RIC8B: variants seen among roughly 807,000 people sequenced by gnomAD.
RIC8B encodes chaperone Ric-8B.
In RIC8B, 16 loss-of-function variants were observed where a neutral mutation model predicts 57.5. The ratio of observed to expected loss-of-function variants is 0.28; its 90% CI spans 0.19 to 0.42. RIC8B has a LOEUF of 0.42. RIC8B is among the 10% of genes least tolerant of loss of function. RIC8B has a pLI of 1.00. For missense variants in RIC8B, 481 were observed against 677.0 expected (o/e 0.71, Z 3.21); for synonymous variants, 216 against 250.8 (o/e 0.86, Z 1.31).
intron 6 of RIC8B, among the ~76,000 whole-genome samples, chr12:106,846,511 C>T (rs1484105292): frequency 1.3e-5 from 2 of 151,992 alleles, no homozygotes; most frequent in Non-Finnish European, 2.9e-5. Flanking sequence ...AAGAGAAATA[C>T]CCAGAAAGCA....
At chr12:106,840,902 T>A (rs562884330) in intron 4 of RIC8B, among the ~76,000 whole-genome samples, 3 of 152,270 alleles carry the variant, frequency 2.0e-5, no homozygotes, top group East Asian at 3.9e-4. Context: ...AGGGAAAAAA[T>A]CATAACATTT....
chr12:106,861,309 C>CT (rs1949924097), intron 8 of RIC8B, among the ~76,000 whole-genome samples: 1 of 152,004 alleles, frequency 6.6e-6, no homozygotes, highest in African/African-American at 2.4e-5. Context: ...CGAGGATAGA[C>CT]TATCTTTATC....
intron 2 of RIC8B, among the ~76,000 whole-genome samples, chr12:106,791,147 T>G (rs971680414): frequency 6.6e-6 from 1 of 152,188 alleles, no homozygotes; most frequent in African/African-American, 2.4e-5. Context: ...TGTTGTTCAC[T>G]GAAAAAGCAG....
chr12:106,784,612 C>G (rs2043918055), intron 2 of RIC8B, among the ~76,000 whole-genome samples: 1 of 152,184 alleles, frequency 6.6e-6, no homozygotes, highest in African/African-American at 2.4e-5. Flanking sequence ...TCCCTCCTGC[C>G]TTAACCTCCC....
chr12:106,881,472 G>T (rs1950930989), intron 9 of RIC8B, among the ~76,000 whole-genome samples: 1 of 151,266 alleles, frequency 6.6e-6, no homozygotes. Flanking sequence ...GTGAATCCAT[G>T]TCCATCACTG....
intron 4 of RIC8B, among the ~76,000 whole-genome samples, chr12:106,827,587 C>T (rs907029324): frequency 4.6e-5 from 7 of 152,118 alleles, no homozygotes; most frequent in Admixed American, 1.3e-4. Context: ...GTACTCCCTG[C>T]CCTGCAGCCT....
intron 9 of RIC8B, among the ~76,000 whole-genome samples, chr12:106,872,402 C>T (rs1950471268): frequency 6.6e-6 from 1 of 152,202 alleles, no homozygotes; most frequent in South Asian, 2.1e-4. Context: ...GGCACAGTGG[C>T]TTATGCCTGT....
intron 9 of RIC8B, 96 bp from the exon 10 acceptor site, chr12:106,885,803 ACTTTT>A: frequency 1.6e-6 from 1 of 639,708 alleles, no homozygotes; most frequent in Non-Finnish European, 2.5e-6. Context: ...GTTTTTAAAG[ACTTTT>A]CTTTTTAAAA....
intron 8 of RIC8B, chr12:106,868,442 C>G (rs1207492079): frequency 2.5e-6 from 1 of 395,888 alleles, no homozygotes; most frequent in African/African-American, 2.1e-5. Flanking sequence ...CTATAATAAG[C>G]ACCTTTATTC....
intron 1 of RIC8B, among the ~76,000 whole-genome samples, chr12:106,779,782 G>A (rs2043668838): frequency 6.8e-6 from 1 of 146,980 alleles, no homozygotes. Context: ...CTCAACTTTA[G>A]TTATAGAATG....
chr12:106,785,785 G>GTCTCTC (rs370138594), intron 2 of RIC8B, among the ~76,000 whole-genome samples: 1,153 of 104,448 alleles, frequency 0.011, 22 homozygotes, highest in African/African-American at 0.019. Flanking sequence ...TGTATTCTAT[G>GTCTCTC]TCTCTCTCTC....
At chr12:106,878,979 C>T (rs1950801189) in intron 9 of RIC8B, 17 of 985,652 alleles carry the variant, frequency 1.7e-5, no homozygotes, top group Non-Finnish European at 2.0e-5. Flanking sequence ...ACTGTTGTTT[C>T]ATTACAGACC....
intron 8 of RIC8B, among the ~76,000 whole-genome samples, chr12:106,862,767 T>G (rs1340292454): frequency 6.6e-6 from 1 of 152,108 alleles, no homozygotes; most frequent in African/African-American, 2.4e-5. Context: ...TAACCTGTAA[T>G]CCTTTACTGG....
chr12:106,859,436 C>T (rs890641523), intron 7 of RIC8B, among the ~76,000 whole-genome samples: 6 of 152,008 alleles, frequency 3.9e-5, no homozygotes, highest in Non-Finnish European at 8.8e-5. Context: ...CCAAACTTTT[C>T]ATTAGGCTTC....
chr12:106,816,195 C>A (rs1446209082), intron 3 of RIC8B, among the ~76,000 whole-genome samples: 2 of 152,084 alleles, frequency 1.3e-5, no homozygotes, highest in African/African-American at 4.8e-5. Context: ...GGTTCCAGAG[C>A]AAATTGTCTT....
At chr12:106,873,480 C>T (rs1409551464) in intron 9 of RIC8B, among the ~76,000 whole-genome samples, 2 of 152,044 alleles carry the variant, frequency 1.3e-5, no homozygotes, top group Non-Finnish European at 2.9e-5. Context: ...GTGCTGTGTT[C>T]CTCATTAGTC....
intron 7 of RIC8B, among the ~76,000 whole-genome samples, chr12:106,856,469 T>G (rs1949719799): frequency 6.6e-6 from 1 of 152,192 alleles, no homozygotes; most frequent in Admixed American, 6.5e-5. Context: ...TCTTGGCATA[T>G]CTCCATGGCT....
rs540243591 is a variant in RIC8B, at chr12:106,811,790, GGAGAGCAGAGCATGTTTTAGGAA to G, written c.133-2902_133-2880del. Among the ~76,000 whole-genome samples the G allele has an allele frequency of 2.4e-3, 368 of 152,250 alleles. 2 individuals carry two copies. Among genetic ancestry groups the G allele is most frequent in the African/African-American group, 8.0e-3 (332 of 41,532 alleles). On this transcript the variant is annotated intron_variant, in intron 2 of 9. Coordinates refer to ENST00000392837, the MANE Select transcript of RIC8B (RefSeq NM_001330145.2). ...GCAGGAAGGTATGAAAGGTGTTTGAGGAGAGCAGAGCATGTTTTAGGAAGAGTAAAATCAACTTAAATAGTTAT... is the reference window on the plus strand; with the variant it reads ...GCAGGAAGGTATGAAAGGTGTTTGAGGAGTAAAATCAACTTAAATAGTTAT...
chr12:106,810,302 A>G (rs1457549208), intron 2 of RIC8B, among the ~76,000 whole-genome samples: 2 of 151,084 alleles, frequency 1.3e-5, no homozygotes, highest in East Asian at 1.9e-4. Context: ...AAAAAAAAAA[A>G]AAAGAAAGAA....
Sources: allele counts gnomAD v4.1 joint callset (sites outside exome capture counted in the v4.1 genomes callset), GRCh38; gene constraint gnomAD v4.1.1; transcripts MANE v1.5; gene names NCBI Gene and HGNC (gene_info 2026-07-23, HGNC 2026-07-21).